Variants in RBFOX1 observed in about 807,000 individuals in gnomAD.
The protein encoded by RBFOX1 is RNA binding fox-1 homolog 1, also known as RNA binding protein fox-1 homolog 1.
In RBFOX1, 8 loss-of-function variants were observed where a neutral mutation model predicts 57.7. The observed-to-expected ratio is 0.14, with a 90% CI of 0.08 to 0.25. The LOEUF is 0.25. RBFOX1 is among the 10% of genes least tolerant of loss of function. The pLI is 1.00. For synonymous variants in RBFOX1, 326 were observed against 222.4 expected (o/e 1.47, Z -4.15); for missense variants, 611 against 548.5 (o/e 1.11, Z -1.14).
chr16:7,368,062 T>A (rs2097493877), intron 4 of RBFOX1, among the ~76,000 whole-genome samples: 1 of 151,964 alleles, frequency 6.6e-6, no homozygotes, highest in Non-Finnish European at 1.5e-5. Context: ...AGGTCAGGGG[T>A]TTGAGACCAG....
intron 3 of RBFOX1, among the ~76,000 whole-genome samples, chr16:5,657,155 G>T (rs867332597): frequency 2.6e-5 from 4 of 152,204 alleles, no homozygotes; most frequent in Middle Eastern, 3.4e-3. Flanking sequence ...TCTCTTGATT[G>T]GGGACCTATT....
At chr16:5,895,564 A>C (rs1431993762) in intron 4 of RBFOX1, among the ~76,000 whole-genome samples, 2 of 152,204 alleles carry the variant, frequency 1.3e-5, no homozygotes, top group African/African-American at 4.8e-5. Context: ...TGAGCTGGAG[A>C]AGGGTCTGAT....
chr16:6,972,246 C>A lies in RBFOX1; in HGVS notation c.-15-79811C>A, dbSNP rs74010407. ...CTCTGTATCTATTAACTCTGTAACT[C>A]CCCTTTCTCCCTCTCCCCAGCCCCT... On this transcript the variant is annotated intron_variant, in intron 3 of 15. Transcript: ENST00000550418. 9.6e-3 allele frequency among the ~76,000 whole-genome samples: 1,459 copies of A among 152,158 alleles called. 19 individuals are homozygous for A. Among genetic ancestry groups the A allele is most frequent in the African/African-American group, 0.033 (1,373 of 41,512 alleles).
At chr16:5,321,418 C>T (rs1417512332) in intron 1 of RBFOX1, among the ~76,000 whole-genome samples, 1 of 151,822 alleles carries the variant, frequency 6.6e-6, no homozygotes, top group East Asian at 1.9e-4. Context: ...CTCCTGGGTT[C>T]ATGCCATTAT....
chr16:6,383,543 G>C (rs1245487045), intron 2 of RBFOX1, among the ~76,000 whole-genome samples: 1 of 152,186 alleles, frequency 6.6e-6, no homozygotes, highest in Non-Finnish European at 1.5e-5. Flanking sequence ...GGGAGGCTGA[G>C]GTGGGCGGAT....
At chr16:6,193,161 A>G (rs942694173) in intron 1 of RBFOX1, among the ~76,000 whole-genome samples, 10 of 151,466 alleles carry the variant, frequency 6.6e-5, no homozygotes, top group Non-Finnish European at 1.0e-4. Flanking sequence ...TGTTCATCCT[A>G]TGTCCTTATC....
At chr16:6,500,328 G>A (rs975618567) in intron 2 of RBFOX1, among the ~76,000 whole-genome samples, 2 of 152,072 alleles carry the variant, frequency 1.3e-5, no homozygotes, top group African/African-American at 2.4e-5. Context: ...CTATTTTGCT[G>A]CACATGGACA....
intron 4 of RBFOX1, among the ~76,000 whole-genome samples, chr16:5,924,014 T>C (rs541000728): frequency 5.6e-4 from 86 of 152,270 alleles, no homozygotes; most frequent in Non-Finnish European, 1.1e-3. Flanking sequence ...GGTAATTGGC[T>C]CATGGGGGTA....
Position 7,023,564 on chromosome 16 carries a change from TAAAAAAAAAA to T in RBFOX1, c.-15-28472_-15-28463del, listed in dbSNP as rs34056673. ...CAACATGGTGAAACTTCGTCTGTAC[TAAAAAAAAAA>T]AAAAAAAAAAAAAAAAAAAATTAGC... On this transcript the variant is annotated intron_variant, in intron 3 of 15. Coordinates refer to ENST00000550418, the MANE Select transcript of RBFOX1 (RefSeq NM_018723.4). Among the ~76,000 whole-genome samples the T allele has an allele frequency of 2.3e-3, 102 of 43,930 alleles. 1 individual carries two copies. Among genetic ancestry groups the T allele is most frequent in the African/African-American group, 8.0e-3 (89 of 11,192 alleles). The allele number at this position is 43,930 out of a possible 152,430, so 28.8% of individuals were successfully genotyped here. A position where few individuals can be genotyped will look rare whatever the true frequency, so the allele number is the denominator to read the frequency against.
chr16:6,164,753 C>T (rs969625140), intron 1 of RBFOX1, among the ~76,000 whole-genome samples: 1 of 152,062 alleles, frequency 6.6e-6, no homozygotes, highest in Non-Finnish European at 1.5e-5. Context: ...GCTGGTGTGA[C>T]CCACCGTGCC....
chr16:6,290,248 A>T (rs185892367), intron 1 of RBFOX1, among the ~76,000 whole-genome samples: 2 of 150,764 alleles, frequency 1.3e-5, no homozygotes, highest in African/African-American at 2.4e-5. Flanking sequence ...TGTGAATAAC[A>T]TGTGCACTAA....
chr16:6,032,656 G>A lies in RBFOX1; in HGVS notation c.-127+12664G>A, dbSNP rs371117178. Among the ~76,000 whole-genome samples the A allele has an allele frequency of 2.6e-5, 4 of 152,030 alleles. No individual in the cohort carries two copies. The East Asian group carries it at 5.8e-4, about 22-fold the overall frequency. ...TGCCAGCAGATGTCAGTGTGCCCTTGCCATTTGATTTTTTTTTTAAAGCAA... is the reference window on the plus strand; with the variant it reads ...TGCCAGCAGATGTCAGTGTGCCCTTACCATTTGATTTTTTTTTTAAAGCAA... On this transcript the variant is annotated intron_variant, in intron 1 of 15. Coordinates refer to ENST00000550418, the MANE Select transcript of RBFOX1 (RefSeq NM_018723.4).
chr16:6,099,046 A>G lies in RBFOX1; in HGVS notation c.-127+79054A>G, dbSNP rs78853291. The stretch of plus-strand genomic sequence containing the variant: ...TTCCTGGTTCTTTATTAGGCAGAGA[A>G]TGTTTCTCCATCTGGTTGAGAGTCT... On this transcript the variant is annotated intron_variant, in intron 1 of 15. Coordinates refer to ENST00000550418, the MANE Select transcript of RBFOX1 (RefSeq NM_018723.4). Among the ~76,000 whole-genome samples, 53 of 152,292 alleles carry G rather than the reference A, an allele frequency of 3.5e-4. No individual in the cohort carries two copies. In the East Asian group the frequency reaches 7.9e-3, roughly 23 times the overall value.
intron 3 of RBFOX1, among the ~76,000 whole-genome samples, chr16:6,865,214 G>C (rs758641619): frequency 6.6e-6 from 1 of 151,962 alleles, no homozygotes; most frequent in East Asian, 1.9e-4. Context: ...TGTTGGCCAG[G>C]CTGGTCTCGA....
intron 3 of RBFOX1, among the ~76,000 whole-genome samples, chr16:7,013,156 G>C (rs1354992166): frequency 6.6e-6 from 1 of 152,150 alleles, no homozygotes; most frequent in East Asian, 1.9e-4. Flanking sequence ...ATACAAATTT[G>C]TGGTGTAATG....
At chr16:7,364,575 C>CAAAAAAAAAA (rs1183081362) in intron 4 of RBFOX1, among the ~76,000 whole-genome samples, 1 of 52,498 alleles carries the variant, frequency 1.9e-5, no homozygotes, top group African/African-American at 6.7e-5. Flanking sequence ...TCAAGAAGAC[C>CAAAAAAAAAA]AAAAAAAAAA....
At chr16:7,203,983 A>G (rs1045348161) in intron 4 of RBFOX1, among the ~76,000 whole-genome samples, 1 of 152,160 alleles carries the variant, frequency 6.6e-6, no homozygotes, top group Non-Finnish European at 1.5e-5. Flanking sequence ...GTTCTCAAAC[A>G]TCACTTACGT....
chr16:7,468,279 G>A (rs2060893406), intron 4 of RBFOX1, among the ~76,000 whole-genome samples: 1 of 152,152 alleles, frequency 6.6e-6, no homozygotes, highest in Non-Finnish European at 1.5e-5. Context: ...AAGAGTGTAT[G>A]CTCTGGCACC....
At chr16:6,802,753 C>G (rs1025955270) in intron 3 of RBFOX1, among the ~76,000 whole-genome samples, 16 of 152,150 alleles carry the variant, frequency 1.1e-4, no homozygotes, top group African/African-American at 3.9e-4. Context: ...CATTCCCCCA[C>G]GTTGTTGTAA....
Sources: allele counts gnomAD v4.1 joint callset (sites outside exome capture counted in the v4.1 genomes callset), GRCh38; gene constraint gnomAD v4.1.1; transcripts MANE v1.5; gene names NCBI Gene and HGNC (gene_info 2026-07-23, HGNC 2026-07-21).